CNOT4: variants seen among roughly 807,000 people sequenced by gnomAD.
CNOT4 encodes the protein CCR4-NOT transcription complex subunit 4.
In CNOT4, 8 loss-of-function variants were observed where a neutral mutation model predicts 73.8. The observed-to-expected ratio is 0.11, with a 90% CI of 0.06 to 0.20. The LOEUF (loss-of-function observed/expected upper bound fraction) is 0.20. Ranked by LOEUF, CNOT4 falls within the 10% of genes least tolerant of loss-of-function variation. The probability of loss-of-function intolerance (pLI) is 1.00; values close to 1 mark genes in which losing one functional copy is unlikely to be tolerated. For synonymous variants in CNOT4, 293 were observed against 321.1 expected, an observed-to-expected ratio of 0.91 and a Z score of 0.94; for missense variants, 564 against 883.4, an observed-to-expected ratio of 0.64 and a Z score of 4.58.
At chr7:135,449,371 A>G (rs1026871958) in intron 1 of CNOT4, among the ~76,000 whole-genome samples, 1 of 152,174 alleles carries the variant, frequency 6.6e-6, no homozygotes, top group African/African-American at 2.4e-5. Context: ...ATGTTTCTGA[A>G]TGTATATTTC....
At chr7:135,424,671 C>T (rs1460432062) in intron 2 of CNOT4, among the ~76,000 whole-genome samples, 1 of 152,064 alleles carries the variant, frequency 6.6e-6, no homozygotes, top group Non-Finnish European at 1.5e-5. Context: ...AGCCTGTAAT[C>T]CCAGCTACTT....
At chr7:135,497,834 T>C (rs1203232138) in intron 1 of CNOT4, among the ~76,000 whole-genome samples, 1 of 152,226 alleles carries the variant, frequency 6.6e-6, no homozygotes, top group Non-Finnish European at 1.5e-5. Flanking sequence ...CTTATATTTC[T>C]ATGTGGTCAA....
At chr7:135,395,990 G>A (rs1322765177) in intron 8 of CNOT4, 107 bp from the exon 9 acceptor site, 10 of 680,626 alleles carry the variant, frequency 1.5e-5, no homozygotes, top group Non-Finnish European at 2.2e-5. Context: ...TCACAAACTG[G>A]TACTTGAAGA....
At chr7:135,487,613 GTAAA>G (rs1802815557) in intron 1 of CNOT4, among the ~76,000 whole-genome samples, 1 of 151,938 alleles carries the variant, frequency 6.6e-6, no homozygotes, top group South Asian at 2.1e-4. Flanking sequence ...TAGTTCTTCA[GTAAA>G]TAAATTATTT....
At chr7:135,413,677 C>T (rs1316497101) in intron 5 of CNOT4, 64 bp from the exon 6 acceptor site, 3 of 1,521,924 alleles carry the variant, frequency 2.0e-6, no homozygotes, top group East Asian at 4.6e-5. Context: ...CAATGAGAAT[C>T]TCCATGTTTA....
rs1794790309 is a variant in CNOT4 at position 135,364,175 on chromosome 7, T to C, written c.1628-109A>G. 2 of 867,180 alleles carry C rather than the reference T, an allele frequency of 2.3e-6. No homozygotes were observed. Among genetic ancestry groups the C allele is most frequent in the Non-Finnish European group, 3.5e-6 (2 of 563,694 alleles). 53.7% of individuals were successfully genotyped at this position (867,180 alleles called of 1,614,324 possible). ...AGCGGGAGAAGAATTATTCTTTCTT[T>C]ATTGAGCATTTAAAATGGGTTGTCC... On this transcript the variant is annotated intron_variant, in intron 10 of 11. Coordinates refer to ENST00000541284, the MANE Select transcript of CNOT4 (RefSeq NM_001190850.2). This position sits in a 1 kb window ranked among gnomAD's most constrained non-coding sequence, Gnocchi z 4.3.
At chr7:135,369,765 C>G (rs1299979999) in intron 10 of CNOT4, among the ~76,000 whole-genome samples, 1 of 152,214 alleles carries the variant, frequency 6.6e-6, no homozygotes, top group East Asian at 1.9e-4. Context: ...TATAAGTGAT[C>G]TCCTACCAGT....
At chr7:135,444,572 C>G in intron 1 of CNOT4, 2 of 1,372,660 alleles carry the variant, frequency 1.5e-6, no homozygotes, top group Non-Finnish European at 2.1e-6. Context: ...ACCGACCTAT[C>G]CCAGAATGAT....
chr7:135,412,274 T>C (rs958164034), intron 6 of CNOT4, among the ~76,000 whole-genome samples: 1 of 151,850 alleles, frequency 6.6e-6, no homozygotes, highest in African/African-American at 2.4e-5. Context: ...ACAAACAAGT[T>C]CCAAAGGACA....
intron 6 of CNOT4, 49 bp downstream of exon 6, chr7:135,413,439 A>G (rs1426841843): frequency 6.3e-7 from 1 of 1,586,696 alleles, no homozygotes; most frequent in South Asian, 1.2e-5. Flanking sequence ...TAATAAAAAA[A>G]AAAGTACTCC....
At chr7:135,497,515 T>C (rs1250231013) in intron 1 of CNOT4, among the ~76,000 whole-genome samples, 4 of 152,152 alleles carry the variant, frequency 2.6e-5, no homozygotes, top group Admixed American at 6.6e-5. Context: ...TTGCTTAAAA[T>C]AGATTAGTGA....
At chr7:135,490,083 T>C (rs148442525) in intron 1 of CNOT4, among the ~76,000 whole-genome samples, 2 of 152,360 alleles carry the variant, frequency 1.3e-5, no homozygotes, top group African/African-American at 4.8e-5. Context: ...ATTGTTAGTT[T>C]ATGACAAGTA....
At chr7:135,445,835 A>C (rs1442310364) in intron 1 of CNOT4, among the ~76,000 whole-genome samples, 2 of 152,200 alleles carry the variant, frequency 1.3e-5, no homozygotes, top group Non-Finnish European at 2.9e-5. Context: ...TAAGTGAAAT[A>C]AGCCAGTAAC....
At chr7:135,487,850 G>A (rs1187396368) in intron 1 of CNOT4, among the ~76,000 whole-genome samples, 4 of 152,086 alleles carry the variant, frequency 2.6e-5, no homozygotes, top group South Asian at 2.1e-4. Context: ...TCAGGAGATC[G>A]AGACCACCCT....
At chr7:135,445,732 G>A (rs888000640) in intron 1 of CNOT4, among the ~76,000 whole-genome samples, 3 of 152,034 alleles carry the variant, frequency 2.0e-5, no homozygotes, top group Non-Finnish European at 4.4e-5. Flanking sequence ...ATAAAATGTT[G>A]TATAATAATA....
Position 135,495,684 on chromosome 7 carries a change from AAAAAAAAAAGAAAG to A in CNOT4, c.-93+14191_-93+14204del, listed in dbSNP as rs1563083397. On this transcript the variant is annotated intron_variant, in intron 1 of 11. Coordinates refer to ENST00000541284, the MANE Select transcript of CNOT4 (RefSeq NM_001190850.2). ...GACCCTGTGTCAAAAAAAAAAAAAA[AAAAAAAAAAGAAAG>A]AAAGAAAGAAAGAAAGAAAGAAAGA... Among the ~76,000 whole-genome samples, 16 of 97,706 alleles carry A rather than the reference AAAAAAAAAAGAAAG, an allele frequency of 1.6e-4. 1 individual carries two copies. In the East Asian group the frequency reaches 3.8e-3, roughly 23 times the overall value. The allele number at this position is 97,706 out of a possible 152,430, so 64.1% of individuals were successfully genotyped here.
At chr7:135,441,773 C>T (rs529902063) in intron 1 of CNOT4, among the ~76,000 whole-genome samples, 12 of 152,136 alleles carry the variant, frequency 7.9e-5, no homozygotes, top group Admixed American at 1.3e-4. Context: ...TGATGTTTTG[C>T]TTTTTGATTG....
chr7:135,368,136 A>T (rs1417347862), intron 10 of CNOT4, among the ~76,000 whole-genome samples: 1 of 152,156 alleles, frequency 6.6e-6, no homozygotes, highest in Non-Finnish European at 1.5e-5. Flanking sequence ...GACGTGTCAC[A>T]CTTTCATATT....
intron 7 of CNOT4, among the ~76,000 whole-genome samples, chr7:135,405,351 C>G (rs951434702): frequency 1.3e-5 from 2 of 152,172 alleles, no homozygotes; most frequent in African/African-American, 4.8e-5. Context: ...ACCATTTACA[C>G]CGAGTGATCT....
Sources: allele counts gnomAD v4.1 joint callset (sites outside exome capture counted in the v4.1 genomes callset), GRCh38; gene constraint gnomAD v4.1.1; non-coding constraint Gnocchi (gnomAD v3.1); transcripts MANE v1.5; gene names NCBI Gene and HGNC (gene_info 2026-07-23, HGNC 2026-07-21).